The following MVK variants were observed in gnomAD, a reference collection of about 807,000 sequenced individuals.
MVK encodes LH receptor mRNA-binding protein.
MVK carries 34 observed loss-of-function variants against 43.2 expected under a neutral mutation model. The observed-to-expected ratio is 0.79, with a 90% CI of 0.60 to 1.05. The LOEUF (loss-of-function observed/expected upper bound fraction) is 1.05. Among genes scored for constraint, MVK ranks in the 50% least tolerant of loss-of-function variants. The probability of loss-of-function intolerance (pLI) is 0.00; values close to 1 mark genes in which losing one functional copy is unlikely to be tolerated. For synonymous variants in MVK, 190 were observed against 219.8 expected (o/e 0.86, Z 1.20); for missense variants, 395 against 504.0 (o/e 0.78, Z 2.07).
chr12:109,594,179 G>A (rs938754078), intron 9 of MVK, among the ~76,000 whole-genome samples: 7 of 152,166 alleles, frequency 4.6e-5, no homozygotes, highest in Admixed American at 1.3e-4. Flanking sequence ...GGCTGGGACC[G>A]TGGCTGGGCA....
At chr12:109,586,706 A>G (rs746734895) in intron 6 of MVK, 48 bp from the exon 7 acceptor site, 1 of 1,606,854 alleles carries the variant, frequency 6.2e-7, no homozygotes, top group Non-Finnish European at 8.5e-7. Context: ...AGTAGCACAG[A>G]TATGTTAGCT....
chr12:109,580,805 G>C (rs1299172334), intron 4 of MVK, among the ~76,000 whole-genome samples: 1 of 152,220 alleles, frequency 6.6e-6, no homozygotes, highest in African/African-American at 2.4e-5. Context: ...ATCAAAAGCA[G>C]ACCCGTGTTA....
chr12:109,597,424 G>A lies in MVK; in HGVS notation c.*847G>A, dbSNP rs1885969000. On this transcript the variant is annotated 3_prime_UTR_variant, in exon 11 of 11. Coordinates refer to ENST00000228510, the MANE Select transcript of MVK (RefSeq NM_000431.4). ...TTTCCCAGATGGCCCTTGCTGGAGA[G>A]GGACTGGGACACGGCTCTCAGTCCA... 6.6e-6 allele frequency: 1 copy of A among 152,354 alleles called. No homozygotes were observed. Among genetic ancestry groups the A allele is most frequent in the Non-Finnish European group, 1.5e-5 (1 of 68,216 alleles). The allele number at this position is 152,354 out of a possible 1,614,324, so 9.4% of individuals were successfully genotyped here. A position where few individuals can be genotyped will look rare whatever the true frequency, so the allele number is the denominator to read the frequency against.
At chr12:109,585,069 C>A (rs918073529) in intron 5 of MVK, among the ~76,000 whole-genome samples, 5 of 152,174 alleles carry the variant, frequency 3.3e-5, no homozygotes, top group African/African-American at 9.7e-5. Flanking sequence ...TTGTTCCATA[C>A]TCATGTGTTT....
rs931711442 is a variant in MVK, at chr12:109,581,650, G to T, written c.527+100G>T. ...TCACCACCTCCCTGTGAGGTGAGAG[G>T]TGTCATAGTGGCCATTTTAACATGA... On this transcript the variant is annotated intron_variant, in intron 5 of 10. Transcript: ENST00000228510. The T allele has an allele frequency of 3.8e-5, 59 of 1,537,832 alleles. No individual in the cohort carries two copies. The Admixed American group carries it at 1.0e-3, about 26-fold the overall frequency.
chr12:109,579,236 C>A, intron 3 of MVK: 1 of 443,742 alleles, frequency 2.3e-6, no homozygotes. Flanking sequence ...ACCTCCTGGG[C>A]TCAAGCGATC....
At chr12:109,587,274 A>G (rs1036956310) in intron 7 of MVK, among the ~76,000 whole-genome samples, 1 of 152,148 alleles carries the variant, frequency 6.6e-6, no homozygotes, top group Non-Finnish European at 1.5e-5. Context: ...CACAGGGCAG[A>G]GGCAGGATGG....
At chr12:109,581,601 G>A (rs545042287) in intron 5 of MVK, 51 bp downstream of exon 5, 1 of 1,613,236 alleles carries the variant, frequency 6.2e-7, no homozygotes, top group South Asian at 1.1e-5. Flanking sequence ...GCAGGACAGG[G>A]ACGTGGCTTC....
Position 109,586,135 on chromosome 12 carries a change from G to T in MVK, c.631+10G>T. ...GCTGTCAGCACCTGGGGTAGGTGTG[G>T]CCTCAGGTTTATTTTATTGTTGTTA... On this transcript the variant is annotated intron_variant, in intron 6 of 10. Transcript: ENST00000228510. 6.3e-7 allele frequency: 1 copy of T among 1,596,330 alleles called. No individual in the cohort carries two copies. Among genetic ancestry groups the T allele is most frequent in the Non-Finnish European group, 8.6e-7 (1 of 1,163,968 alleles).
chr12:109,573,655 G>A (rs1843239588), upstream of MVK: 2 of 785,554 alleles, frequency 2.5e-6, no homozygotes, highest in Non-Finnish European at 4.2e-6. Context: ...AACGGAAGGA[G>A]CGGGGCGGGA....
upstream of MVK, chr12:109,573,605 C>T (rs975640062): frequency 1.8e-6 from 2 of 1,130,354 alleles, no homozygotes; most frequent in Non-Finnish European, 2.6e-6. Flanking sequence ...GTTCTCACCC[C>T]AGGGCGGGAC....
At chr12:109,592,387 G>A (rs1477915817) in intron 9 of MVK, among the ~76,000 whole-genome samples, 3 of 152,194 alleles carry the variant, frequency 2.0e-5, no homozygotes, top group African/African-American at 7.2e-5. Context: ...AGAGGATCGG[G>A]TGGCCCCTAG....
chr12:109,574,494 A>G (rs1884836082), intron 1 of MVK, among the ~76,000 whole-genome samples: 1 of 152,188 alleles, frequency 6.6e-6, no homozygotes, highest in African/African-American at 2.4e-5. Context: ...GCGTTAATTT[A>G]ACCTTCCTAA....
chr12:109,577,157 C>T (rs887635916), intron 3 of MVK, among the ~76,000 whole-genome samples: 6 of 152,232 alleles, frequency 3.9e-5, no homozygotes, highest in African/African-American at 1.4e-4. Context: ...TTGTGTGTCA[C>T]GTGTGTGTGC....
chr12:109,575,476 C>T lies in MVK; in HGVS notation c.79-522C>T, dbSNP rs1346455759. ...GCTCTGTCACCGGAGTGCAATCTTG[C>T]GATCATGGCTCACTGCAGCCTCCAA... On this transcript the variant is annotated intron_variant, in intron 2 of 10. Transcript: ENST00000228510. Among the ~76,000 whole-genome samples the T allele has an allele frequency of 2.6e-5, 4 of 151,416 alleles. No homozygotes were observed. The South Asian group carries it at 6.3e-4, about 24-fold the overall frequency.
intron 10 of MVK, 115 bp from the exon 11 acceptor site, chr12:109,596,311 G>A: frequency 1.4e-6 from 2 of 1,457,408 alleles, no homozygotes; most frequent in Non-Finnish European, 1.9e-6. Context: ...GTTGGCTCAG[G>A]TGGGTCACAG....
At chr12:109,589,812 C>G (rs1206953653) in intron 7 of MVK, 1 of 152,292 alleles carries the variant, frequency 6.6e-6, no homozygotes, top group Non-Finnish European at 1.5e-5. Flanking sequence ...CAGCCTGCAG[C>G]CCTCTGAAAG....
In MVK at chr12:109,595,031, C is replaced by A. The variant is rs1047311477; in HGVS notation, c.889C>A (p.Leu297Ile). The change falls in exon 10 of 11, where the codon CTC (leucine) becomes ATC (isoleucine). Residue 297 changes from leucine (L) to isoleucine (I), a missense_variant. Coordinates refer to ENST00000228510, the MANE Select transcript of MVK (RefSeq NM_000431.4). The surrounding 1 kb of genome is among the most constrained non-coding windows in gnomAD (Gnocchi z 5.9). Reference protein sequence around the residue: ...APEQYLVLEELIDMNQHHLNA... With the variant: ...APEQYLVLEEIIDMNQHHLNA... ...CAGATGGAACCTTCTCCCCTAGGAG[C>A]TCATTGACATGAACCAGCACCATCT... is the stretch of plus-strand genomic sequence containing the variant. 9.3e-6 allele frequency: 15 copies of A among 1,614,116 alleles called. No individual in the cohort carries two copies. In the African/African-American group the frequency reaches 1.7e-4, roughly 19 times the overall value.
Position 109,586,806 on chromosome 12 carries a change from TG to T in MVK, c.677+12del, listed in dbSNP as rs774948892. ...AGATTTCATCCTTAAAGAGGTAACC[TG>T]GGGGTGGAGCAGCACATTCAGCCAT... On this transcript the variant is annotated splice_region_variant and intron_variant, in intron 7 of 10. Transcript: ENST00000228510. 1.7e-5 allele frequency: 28 copies of T among 1,613,916 alleles called. No individual in the cohort carries two copies. The highest frequency in any genetic ancestry group is 2.7e-5 in the African/African-American group (2 of 74,918).
Sources: allele counts gnomAD v4.1 joint callset (sites outside exome capture counted in the v4.1 genomes callset), GRCh38; gene constraint gnomAD v4.1.1; non-coding constraint Gnocchi (gnomAD v3.1); transcripts MANE v1.5; gene names NCBI Gene and HGNC (gene_info 2026-07-23, HGNC 2026-07-21).